Variants in DOCK2 observed in about 807,000 individuals in gnomAD.
The protein encoded by DOCK2 is dedicator of cytokinesis 2, also known as dedicator of cytokinesis protein 2.
In DOCK2, 87 loss-of-function variants were observed where a neutral mutation model predicts 248.9. The observed-to-expected ratio is 0.35, with a 90% CI of 0.29 to 0.42. The LOEUF (loss-of-function observed/expected upper bound fraction) is 0.42, where lower values mean the gene tolerates loss of function less well. Among genes scored for constraint, DOCK2 ranks in the 10% least tolerant of loss-of-function variants. The pLI is 1.00. For missense variants in DOCK2, 1,747 were observed against 2,300.2 expected, an observed-to-expected ratio of 0.76 and a Z score of 4.92; for synonymous variants, 805 against 821.6, an observed-to-expected ratio of 0.98 and a Z score of 0.35.
Position 169,704,633 on chromosome 5 carries a change from A to G in DOCK2, c.1383+2206A>G, listed in dbSNP as rs192947996. Among the ~76,000 whole-genome samples, 8 of 152,308 alleles carry G rather than the reference A, an allele frequency of 5.3e-5. No homozygotes were observed. In the East Asian group the frequency reaches 1.2e-3, roughly 22 times the overall value. The stretch of plus-strand genomic sequence containing the variant: ...AAAAGAGTAGGTATTAAAACAACTA[A>G]AAGAGTATGATTGGATTGTTTATAA... On this transcript the variant is annotated intron_variant, in intron 14 of 51. Coordinates refer to ENST00000520908, the MANE Select transcript of DOCK2 (RefSeq NM_004946.3).
intron 26 of DOCK2, among the ~76,000 whole-genome samples, chr5:169,812,170 A>C (rs1381339743): frequency 6.6e-6 from 1 of 152,214 alleles, no homozygotes; most frequent in Non-Finnish European, 1.5e-5. Flanking sequence ...CTGTATTTAC[A>C]GTCACTCCGC....
chr5:169,849,052 C>G (rs145428077), intron 27 of DOCK2, among the ~76,000 whole-genome samples: 3 of 152,054 alleles, frequency 2.0e-5, no homozygotes, highest in African/African-American at 7.2e-5. Context: ...AACCCCAGTC[C>G]GTGGCAAGCA....
intron 44 of DOCK2, among the ~76,000 whole-genome samples, chr5:170,065,661 G>A (rs1056739716): frequency 1.3e-5 from 2 of 152,178 alleles, no homozygotes; most frequent in African/African-American, 2.4e-5. Flanking sequence ...ATGGCAGCAG[G>A]CAAAGAGAGA....
In DOCK2 at chr5:169,803,122, T is replaced by C. The variant is rs1767105282; in HGVS notation, c.2619T>C (p.Asp873=). The C allele has an allele frequency of 1.2e-6, 2 of 1,614,052 alleles. No homozygotes were observed. Among genetic ancestry groups the C allele is most frequent in the Non-Finnish European group, 1.7e-6 (2 of 1,180,014 alleles). The part of the protein sequence containing the change: ...KELKELLEQK[D]DMQHQVLERK... ...TGAAGGAGCTGCTGGAGCAGAAGGATGACATGCAACACCAGGTCCTGGAGA... is the reference window on the plus strand; with the variant it reads ...TGAAGGAGCTGCTGGAGCAGAAGGACGACATGCAACACCAGGTCCTGGAGA... The change falls in exon 26 of 52, where the codon GAT becomes GAC. Residue 873 remains aspartate (D), a synonymous_variant. Coordinates refer to ENST00000520908, the MANE Select transcript of DOCK2 (RefSeq NM_004946.3).
chr5:169,988,382 A>G (rs192921707), intron 29 of DOCK2, among the ~76,000 whole-genome samples: 2 of 152,330 alleles, frequency 1.3e-5, no homozygotes, highest in Admixed American at 1.3e-4. Flanking sequence ...TCCACGCATT[A>G]TATAAGAGGA....
At chr5:170,019,202 T>C (rs576612431) in intron 33 of DOCK2, 94 bp downstream of exon 33, 689 of 1,573,770 alleles carry the variant, frequency 4.4e-4, no homozygotes, top group Non-Finnish European at 5.6e-4. Flanking sequence ...TGAGCTTCAT[T>C]GAGAGGCTCG....
At chr5:169,902,852 C>A (rs1774007208) in intron 27 of DOCK2, among the ~76,000 whole-genome samples, 2 of 152,102 alleles carry the variant, frequency 1.3e-5, no homozygotes, top group Non-Finnish European at 2.9e-5. Flanking sequence ...GTAATCCCAA[C>A]AGTTTGGGAG....
At chr5:169,655,683 T>TAC (rs912552229) in intron 2 of DOCK2, among the ~76,000 whole-genome samples, 2 of 151,914 alleles carry the variant, frequency 1.3e-5, no homozygotes, top group African/African-American at 4.8e-5. Context: ...TGTAAACACA[T>TAC]ACACACACAC....
chr5:170,029,064 A>G (rs1009257472), intron 34 of DOCK2, among the ~76,000 whole-genome samples: 1 of 152,196 alleles, frequency 6.6e-6, no homozygotes, highest in Admixed American at 6.5e-5. Flanking sequence ...TTGTGTGGAC[A>G]TAACGTTTAC....
intron 25 of DOCK2, among the ~76,000 whole-genome samples, chr5:169,777,460 G>C (rs577390548): frequency 1.3e-5 from 2 of 152,316 alleles, no homozygotes; most frequent in Admixed American, 1.3e-4. Context: ...TGCCCACATG[G>C]AACCAGACGC....
At chr5:169,880,328 A>G (rs1216994414) in intron 27 of DOCK2, among the ~76,000 whole-genome samples, 1 of 152,270 alleles carries the variant, frequency 6.6e-6, no homozygotes, top group East Asian at 1.9e-4. Flanking sequence ...TTCCAGGCAT[A>G]TGGTCTCTTA....
At chr5:169,938,921 T>TTCA (rs1776110199) in intron 27 of DOCK2, among the ~76,000 whole-genome samples, 1 of 149,960 alleles carries the variant, frequency 6.7e-6, no homozygotes, top group African/African-American at 2.4e-5. Flanking sequence ...TTTTTTTTTT[T>TTCA]GAAATGGAGT....
chr5:169,670,677 T>TG, intron 4 of DOCK2, 80 bp downstream of exon 4: 1 of 1,540,674 alleles, frequency 6.5e-7, no homozygotes, highest in Non-Finnish European at 8.9e-7. Flanking sequence ...AAATCTGACT[T>TG]GGAAGAGCTG....
intron 27 of DOCK2, among the ~76,000 whole-genome samples, chr5:169,898,053 TG>T (rs1229163731): frequency 6.6e-6 from 1 of 152,240 alleles, no homozygotes; most frequent in Admixed American, 6.5e-5. Flanking sequence ...TGAGTGGATT[TG>T]GGGAGAGAGT....
At chr5:169,699,743 C>G (rs1248576413) in intron 12 of DOCK2, among the ~76,000 whole-genome samples, 2 of 152,134 alleles carry the variant, frequency 1.3e-5, no homozygotes, top group Non-Finnish European at 2.9e-5. Flanking sequence ...CTTTCTTAAT[C>G]CAGGCCTGAG....
At chr5:170,013,178 C>G (rs541923955) in intron 32 of DOCK2, among the ~76,000 whole-genome samples, 61 of 152,150 alleles carry the variant, frequency 4.0e-4, no homozygotes, top group African/African-American at 1.3e-3. Flanking sequence ...AGGGGAGCAA[C>G]CAGCCCAGCA....
Position 169,653,268 on chromosome 5 carries a change from T to C in DOCK2, c.44-1135T>C, listed in dbSNP as rs535888384. On this transcript the variant is annotated intron_variant, in intron 1 of 51. Transcript: ENST00000520908. The stretch of plus-strand genomic sequence containing the variant: ...AAAAGTGGGGCCTGCCTACGTTTAG[T>C]TCCTCTTTAGGAATAATAACCTTTT... Among the ~76,000 whole-genome samples the C allele has an allele frequency of 1.8e-4, 28 of 152,334 alleles. 1 individual carries two copies. In the South Asian group the frequency reaches 5.4e-3, roughly 29 times the overall value.
chr5:169,696,677 C>T (rs1478361224), intron 10 of DOCK2, among the ~76,000 whole-genome samples: 1 of 152,036 alleles, frequency 6.6e-6, no homozygotes, highest in Non-Finnish European at 1.5e-5. Context: ...CGTGCATAAC[C>T]CCTATGTACC....
intron 27 of DOCK2, among the ~76,000 whole-genome samples, chr5:169,933,583 A>G (rs1205176243): frequency 1.3e-5 from 2 of 152,160 alleles, no homozygotes; most frequent in African/African-American, 4.8e-5. Flanking sequence ...AGAAACAATG[A>G]ATCTTTAGTC....
Sources: allele counts gnomAD v4.1 joint callset (sites outside exome capture counted in the v4.1 genomes callset), GRCh38; gene constraint gnomAD v4.1.1; transcripts MANE v1.5; gene names NCBI Gene and HGNC (gene_info 2026-07-23, HGNC 2026-07-21).